HOMER3: variants seen among roughly 807,000 people sequenced by gnomAD.
The protein encoded by HOMER3 is homer scaffold protein 3, also known as homer protein homolog 3.
Under a neutral mutation model 45.5 loss-of-function variants are expected in HOMER3, and 34 were observed. The observed-to-expected ratio is 0.75, with a 90% CI of 0.57 to 1.00. The LOEUF is 1.00. Among genes scored for constraint, HOMER3 ranks in the 50% least tolerant of loss-of-function variants. The pLI, the probability that HOMER3 is intolerant of heterozygous loss-of-function variation, is 0.00. For missense variants in HOMER3, 480 were observed against 497.5 expected, an observed-to-expected ratio of 0.96 and a Z score of 0.33; for synonymous variants, 223 against 208.8, an observed-to-expected ratio of 1.07 and a Z score of -0.58.
chr19:18,940,333 C>A (rs980231798), intron 1 of HOMER3: 1 of 152,290 alleles, frequency 6.6e-6, no homozygotes, highest in African/African-American at 2.4e-5. Flanking sequence ...ACTAGTCATG[C>A]GCCTCGGATG....
chr19:18,939,093 G>T, intron 1 of HOMER3, 44 bp from the exon 2 acceptor site: 1 of 1,127,642 alleles, frequency 8.9e-7, no homozygotes, highest in Non-Finnish European at 1.2e-6. Context: ...AGGCCAGGCT[G>T]AGGGAGGCCA....
Position 18,929,615 on chromosome 19 carries a change from G to C in HOMER3, c.914C>G (p.Ala305Gly). 1 of 1,526,804 alleles carries C rather than the reference G, an allele frequency of 6.5e-7. No individual in the cohort carries two copies. Among genetic ancestry groups the C allele is most frequent in the Non-Finnish European group, 8.8e-7 (1 of 1,134,734 alleles). 94.6% of individuals were successfully genotyped at this position (1,526,804 alleles called of 1,614,324 possible). A position where few individuals can be genotyped will look rare whatever the true frequency, so the allele number is the denominator to read the frequency against. ...QKVQDLETRN[A>G]ELEHQLRAME... The stretch of plus-strand genomic sequence containing the variant: ...CGCCCGCAGCTGGTGCTCCAACTCC[G>C]CATTGCGGGTCTCCAGGTCCTGCCA... Residue 305 changes from alanine (A) to glycine (G), a missense_variant, in exon 10 of 10, where the codon GCG becomes GGG. Physicochemically the swap from Ala to Gly is moderately conservative, Grantham distance 60. Transcript: ENST00000392351.
chr19:18,938,650 C>G, intron 3 of HOMER3, 78 bp downstream of exon 3: 4 of 1,525,512 alleles, frequency 2.6e-6, no homozygotes, highest in Non-Finnish European at 3.6e-6. Flanking sequence ...CCCTTGGGCA[C>G]ACAGCAAGCC....
At position 18,938,889 on chromosome 19, in the gene HOMER3, G is replaced by A. The variant is rs774707487; in HGVS notation, c.15-5C>T. ...GTGCTGAAGATTGGCTGCTCCCTGCGTGGGGAGAGGGTGTTTGGTGGGGGC... is the reference window on the plus strand; with the variant it reads ...GTGCTGAAGATTGGCTGCTCCCTGCATGGGGAGAGGGTGTTTGGTGGGGGC... On this transcript the variant is annotated splice_polypyrimidine_tract_variant and splice_region_variant and intron_variant, in intron 2 of 9. Coordinates refer to ENST00000392351, the MANE Select transcript of HOMER3 (RefSeq NM_004838.4). The A allele has an allele frequency of 1.7e-5, 28 of 1,604,878 alleles. No individual in the cohort carries two copies. The East Asian group carries it at 2.5e-4, about 14-fold the overall frequency.
rs2057151833 is a variant in HOMER3, at chr19:18,941,136, C to T, written c.-153G>A. The T allele has an allele frequency of 6.7e-6, 1 of 149,468 alleles. No homozygotes were observed. Among genetic ancestry groups the T allele is most frequent in the Non-Finnish European group, 1.5e-5 (1 of 66,802 alleles). 9.3% of individuals were successfully genotyped at this position (149,468 alleles called of 1,614,324 possible). On this transcript the variant is annotated 5_prime_UTR_variant, in exon 1 of 10. Transcript: ENST00000392351. ...TGACTCCGCGCTGCCGGGCGCCCCGCTCGCTCCCTGGCTCCCGGGCCCGCG... is the reference window on the plus strand; with the variant it reads ...TGACTCCGCGCTGCCGGGCGCCCCGTTCGCTCCCTGGCTCCCGGGCCCGCG...
At chr19:18,932,895 CTGCCA>C in intron 6 of HOMER3, 24 bp downstream of exon 6, 67 of 1,263,192 alleles carry the variant, frequency 5.3e-5, no homozygotes, top group South Asian at 6.1e-5. Context: ...ACCCCCGCCC[CTGCCA>C]CGCCCCCAAG....
rs763733455 is a variant in HOMER3, at chr19:18,934,363, C to A, written c.351G>T (p.Arg117Ser). ...GCTCCCCGCCATCCTGAGATTTCTC[C>A]CTGGCCAGCCTGGCTGCTTCCTTCA... ...QEVKEAARLA[R>S]EKSQDGGELT... The change falls in exon 5 of 10, where the codon AGG (arginine) becomes AGT (serine). Residue 117 changes from arginine (R) to serine (S), a missense_variant. Arg to Ser is a moderately radical substitution (Grantham distance 110, BLOSUM62 -1). Coordinates refer to ENST00000392351, the MANE Select transcript of HOMER3 (RefSeq NM_004838.4). The A allele has an allele frequency of 1.3e-5, 20 of 1,592,978 alleles. No homozygotes were observed. Among genetic ancestry groups the A allele is most frequent in the Non-Finnish European group, 1.6e-5 (19 of 1,170,254 alleles).
chr19:18,931,122 G>T lies in HOMER3; in HGVS notation c.894+203C>A, dbSNP rs1176623887. ...CGGGGTCTGGCATGGGAATACAGCA[G>T]GAACTCAAGCATTGCTTGTTGAACC... On this transcript the variant is annotated intron_variant, in intron 9 of 9. Coordinates refer to ENST00000392351, the MANE Select transcript of HOMER3 (RefSeq NM_004838.4). 3.4e-5 allele frequency: 19 copies of T among 552,198 alleles called. No homozygotes were observed. In the East Asian group the frequency reaches 5.5e-4, roughly 16 times the overall value. 34.2% of individuals were successfully genotyped at this position (552,198 alleles called of 1,614,324 possible).
rs1555715207 is a variant in HOMER3, at chr19:18,935,152, T to TTTG, written c.304-743_304-742insCAA. On this transcript the variant is annotated intron_variant, in intron 4 of 9. Coordinates refer to ENST00000392351, the MANE Select transcript of HOMER3 (RefSeq NM_004838.4). ...ACCCAGCCTTTTTTTTTTTTTTTTT[T>TTTG]GGGGGGGGACAGAATCTCGCTTTGT... 7.8e-3 allele frequency among the ~76,000 whole-genome samples: 833 copies of TTTG among 106,602 alleles called. 8 individuals carry two copies. The highest frequency in any genetic ancestry group is 0.027 in the African/African-American group (764 of 28,528). The allele number at this position is 106,602 out of a possible 152,430, so 69.9% of individuals were successfully genotyped here. A position where few individuals can be genotyped will look rare whatever the true frequency, so the allele number is the denominator to read the frequency against.
chr19:18,937,672 CAAA>C (rs398034178), intron 4 of HOMER3, among the ~76,000 whole-genome samples: 2 of 64,264 alleles, frequency 3.1e-5, no homozygotes, highest in Non-Finnish European at 6.1e-5. Flanking sequence ...GCATTATCTC[CAAA>C]AAAAAAAAAA....
At chr19:18,931,761 C>A (rs955099613) in intron 7 of HOMER3, 136 bp from the exon 8 acceptor site, 7 of 1,474,070 alleles carry the variant, frequency 4.7e-6, no homozygotes, top group African/African-American at 1.4e-5. Flanking sequence ...GCCACCACCC[C>A]CCTCTGCACA....
chr19:18,931,860 C>A, intron 7 of HOMER3, 116 bp downstream of exon 7: 1 of 1,429,756 alleles, frequency 7.0e-7, no homozygotes, highest in Non-Finnish European at 9.1e-7. Flanking sequence ...GGGTCAGTGA[C>A]CTGCTGAGGT....
At chr19:18,939,702 C>G (rs1886685901) in intron 1 of HOMER3, 1 of 152,366 alleles carries the variant, frequency 6.6e-6, no homozygotes, top group African/African-American at 2.4e-5. Context: ...GAGTTCTTTC[C>G]ACCACATTCA....
At position 18,929,640 on chromosome 19, in the gene HOMER3, A is replaced by C; in HGVS notation, c.895-6T>G. 1 of 1,365,640 alleles carries C rather than the reference A, an allele frequency of 7.3e-7. No individual in the cohort carries two copies. The highest frequency in any genetic ancestry group is 9.9e-7 in the Non-Finnish European group (1 of 1,014,108). The allele number at this position is 1,365,640 out of a possible 1,614,324, so 84.6% of individuals were successfully genotyped here. A position where few individuals can be genotyped will look rare whatever the true frequency, so the allele number is the denominator to read the frequency against. On this transcript the variant is annotated splice_region_variant and splice_polypyrimidine_tract_variant and intron_variant, in intron 9 of 9. Coordinates refer to ENST00000392351, the MANE Select transcript of HOMER3 (RefSeq NM_004838.4). ...GCATTGCGGGTCTCCAGGTCCTGCC[A>C]GGAAAGGGTGGGCAGGGTTGGGGGC...
At position 18,932,933 on chromosome 19, in the gene HOMER3, A is replaced by T; in HGVS notation, c.524T>A (p.Leu175Ter). The T allele has an allele frequency of 4.3e-6, 6 of 1,385,214 alleles. No individual in the cohort carries two copies. The highest frequency in any genetic ancestry group is 5.6e-6 in the Non-Finnish European group (6 of 1,062,120). 85.8% of individuals were successfully genotyped at this position (1,385,214 alleles called of 1,614,324 possible). Reference protein sequence around the residue: ...PTERERLKKMLSEGSVGEVQW... With the variant: ...PTERERLKKM ...AAGTCCCGCCCCTCACCCCTCAGACAACATCTTCTTTAGCCGCTCGCGCTC... is the reference window on the plus strand; with the variant it reads ...AAGTCCCGCCCCTCACCCCTCAGACTACATCTTCTTTAGCCGCTCGCGCTC... The change falls in exon 6 of 10, where the codon TTG (leucine) becomes TAG (stop). Residue 175 changes from leucine (L) to a stop codon, truncating the protein, a stop_gained. Coordinates refer to ENST00000392351, the MANE Select transcript of HOMER3 (RefSeq NM_004838.4). LOFTEE classifies it high-confidence loss of function.
chr19:18,939,264 A>T, intron 1 of HOMER3: 1 of 416,996 alleles, frequency 2.4e-6, no homozygotes, highest in Non-Finnish European at 4.3e-6. Flanking sequence ...ACATGGCGAG[A>T]CCCCATCTCT....
intron 7 of HOMER3, 134 bp downstream of exon 7, chr19:18,931,842 C>G: frequency 2.8e-6 from 4 of 1,428,552 alleles, no homozygotes; most frequent in Non-Finnish European, 2.7e-6. Flanking sequence ...GAGCAAGAAA[C>G]TGAGGCTGGG....
In HOMER3 at chr19:18,938,559, G is replaced by A. The variant is rs973875722; in HGVS notation, c.172-75C>T. ...CATGAAACCCCCCAGGTATTACCTT[G>A]TATTAGGGTCTTGAAGGTCTTTACT... On this transcript the variant is annotated intron_variant, in intron 3 of 9. Coordinates refer to ENST00000392351, the MANE Select transcript of HOMER3 (RefSeq NM_004838.4). 154 of 1,549,560 alleles carry A rather than the reference G, an allele frequency of 9.9e-5. 1 individual carries two copies. Among genetic ancestry groups the A allele is most frequent in the Non-Finnish European group, 2.4e-5 (27 of 1,130,198 alleles).
intron 1 of HOMER3, chr19:18,939,832 C>A (rs1000838409): frequency 6.6e-6 from 1 of 152,612 alleles, no homozygotes; most frequent in Non-Finnish European, 1.5e-5. Context: ...GCAGCTCCCA[C>A]CCTAGGGCAG....
Sources: allele counts gnomAD v4.1 joint callset (sites outside exome capture counted in the v4.1 genomes callset), GRCh38; gene constraint gnomAD v4.1.1; transcripts MANE v1.5; gene names NCBI Gene and HGNC (gene_info 2026-07-23, HGNC 2026-07-21).